The following RPTOR variants were observed in gnomAD, a reference collection of about 807,000 sequenced individuals.
The protein encoded by RPTOR is regulatory associated protein of MTOR complex 1, also known as regulatory-associated protein of mTOR.
Under a neutral mutation model 169.9 loss-of-function variants are expected in RPTOR, and 21 were observed. The ratio of observed to expected loss-of-function variants is 0.12; its 90% CI spans 0.09 to 0.18. The LOEUF (loss-of-function observed/expected upper bound fraction) is 0.18. RPTOR is among the 10% of genes least tolerant of loss of function. The pLI is 1.00. For missense variants in RPTOR, 1,133 were observed against 1,855.9 expected (o/e 0.61, Z 7.16); for synonymous variants, 732 against 753.2 (o/e 0.97, Z 0.46).
chr17:80,587,845 T>C (rs2065074488), intron 1 of RPTOR, among the ~76,000 whole-genome samples: 1 of 152,130 alleles, frequency 6.6e-6, no homozygotes, highest in Admixed American at 6.5e-5. Context: ...TTATTAACTA[T>C]AGTCAGCATG....
In RPTOR at chr17:80,700,632, CGATGATGGTGGTGGT is replaced by C. The variant is rs1195351319; in HGVS notation, c.349-7204_349-7190del. On this transcript the variant is annotated intron_variant, in intron 3 of 33. Coordinates refer to ENST00000306801, the MANE Select transcript of RPTOR (RefSeq NM_020761.3). ...ATGGTGATGGTGGTGGTGGTGGCGG[CGATGATGGTGGTGGT>C]GATGGTAGAGATGATGGTGATGGTG... Among the ~76,000 whole-genome samples the C allele has an allele frequency of 2.0e-3, 14 of 7,008 alleles. No homozygotes were observed. In the Admixed American group the frequency reaches 0.021, roughly 10 times the overall value. The allele number at this position is 7,008 out of a possible 152,430, so 4.6% of individuals were successfully genotyped here. A position where few individuals can be genotyped will look rare whatever the true frequency, so the allele number is the denominator to read the frequency against.
chr17:80,877,756 C>T (rs144220163), intron 13 of RPTOR, among the ~76,000 whole-genome samples: 272 of 152,296 alleles, frequency 1.8e-3, no homozygotes, highest in African/African-American at 6.3e-3. Context: ...TCAGCTAAAG[C>T]CAGTTGTTGC....
intron 1 of RPTOR, among the ~76,000 whole-genome samples, chr17:80,598,554 C>T (rs894696916): frequency 1.3e-5 from 2 of 152,210 alleles, no homozygotes; most frequent in African/African-American, 2.4e-5. Flanking sequence ...TCCTCAGGAA[C>T]GTTCGCATTT....
In RPTOR at chr17:80,831,797, CCG is replaced by C. The variant is rs1392496814; in HGVS notation, c.1137-6124_1137-6123del. ...TGTCACTGTGTATCCCTGTGTGTCA[CCG>C]TGTATCCCTGTGTGTCACCATGTAT... On this transcript the variant is annotated intron_variant, in intron 9 of 33. Transcript: ENST00000306801. 2.6e-5 allele frequency among the ~76,000 whole-genome samples: 4 copies of C among 151,848 alleles called. No homozygotes were observed. The East Asian group carries it at 5.8e-4, about 22-fold the overall frequency.
chr17:80,649,472 G>T (rs1486868225), intron 3 of RPTOR, among the ~76,000 whole-genome samples: 2 of 152,016 alleles, frequency 1.3e-5, no homozygotes, highest in Non-Finnish European at 1.5e-5. Context: ...GGGTCCTAAG[G>T]TTGGGCTTCA....
At chr17:80,812,254 G>A (rs148080236) in intron 7 of RPTOR, among the ~76,000 whole-genome samples, 115 of 152,062 alleles carry the variant, frequency 7.6e-4, no homozygotes, top group Non-Finnish European at 1.3e-3. Context: ...TGTGCCTGGC[G>A]GCTCCATTAT....
chr17:80,889,844 G>A (rs546445794), intron 17 of RPTOR, among the ~76,000 whole-genome samples: 8 of 120,430 alleles, frequency 6.6e-5, no homozygotes, highest in East Asian at 2.5e-4. Flanking sequence ...TGCGGCCTCC[G>A]AGGGAGGCCC....
chr17:80,751,692 G>C (rs1270401146), intron 5 of RPTOR, among the ~76,000 whole-genome samples: 2 of 152,206 alleles, frequency 1.3e-5, no homozygotes, highest in African/African-American at 4.8e-5. Flanking sequence ...ATGGAGGCCT[G>C]CCACAGTCTG....
chr17:80,729,401 G>A (rs1275014906), intron 4 of RPTOR, among the ~76,000 whole-genome samples: 1 of 152,216 alleles, frequency 6.6e-6, no homozygotes, highest in African/African-American at 2.4e-5. Context: ...GTTCTGTGGA[G>A]AAGAATTCCT....
At chr17:80,780,784 G>T (rs992567490) in intron 6 of RPTOR, among the ~76,000 whole-genome samples, 1 of 152,090 alleles carries the variant, frequency 6.6e-6, no homozygotes, top group African/African-American at 2.4e-5. Context: ...CCCCCGGGGG[G>T]CCTCACTCAC....
chr17:80,666,775 G>C (rs1004678832), intron 3 of RPTOR, among the ~76,000 whole-genome samples: 4 of 152,196 alleles, frequency 2.6e-5, no homozygotes, highest in Non-Finnish European at 5.9e-5. Flanking sequence ...CGAGCAGTCC[G>C]AGAACCCACC....
intron 1 of RPTOR, among the ~76,000 whole-genome samples, chr17:80,588,607 T>C (rs2065081345): frequency 6.6e-6 from 1 of 152,238 alleles, no homozygotes; most frequent in African/African-American, 2.4e-5. Flanking sequence ...GCAGAATTGC[T>C]GGATTCTATA....
Position 80,552,375 on chromosome 17 carries a change from G to A in RPTOR, c.162+6584G>A, listed in dbSNP as rs571071825. Among the ~76,000 whole-genome samples the A allele has an allele frequency of 2.4e-3, 358 of 152,170 alleles. 1 individual carries two copies. The highest frequency in any genetic ancestry group is 8.4e-3 in the African/African-American group (348 of 41,500). On this transcript the variant is annotated intron_variant, in intron 1 of 33. Coordinates refer to ENST00000306801, the MANE Select transcript of RPTOR (RefSeq NM_020761.3). ...TTTGCACACCTGGCCCCTTCTCGTC[G>A]TTCATACTTAGCATCTAGGTCCCTT...
At chr17:80,565,924 C>A (rs77007407) in intron 1 of RPTOR, among the ~76,000 whole-genome samples, 2,918 of 152,336 alleles carry the variant, frequency 0.019, 99 homozygotes, top group African/African-American at 0.067. Flanking sequence ...CCGGTTTCTA[C>A]ACTGCTCTTG....
At chr17:80,759,483 G>A (rs919644753) in intron 6 of RPTOR, among the ~76,000 whole-genome samples, 1 of 152,106 alleles carries the variant, frequency 6.6e-6, no homozygotes, top group Non-Finnish European at 1.5e-5. Context: ...ACCACTGCCT[G>A]GAACAATTGA....
At chr17:80,862,662 C>T (rs976852867) in intron 13 of RPTOR, among the ~76,000 whole-genome samples, 9 of 151,986 alleles carry the variant, frequency 5.9e-5, no homozygotes, top group South Asian at 2.1e-4. Context: ...TCCGGGGCTC[C>T]GCCCACCATG....
At chr17:80,912,016 G>T (rs1397849832) in intron 21 of RPTOR, among the ~76,000 whole-genome samples, 6 of 152,216 alleles carry the variant, frequency 3.9e-5, no homozygotes, top group Non-Finnish European at 8.8e-5. Context: ...ACATCTGCCT[G>T]CTACGGATTA....
intron 5 of RPTOR, among the ~76,000 whole-genome samples, chr17:80,732,922 G>A (rs2066404400): frequency 1.3e-5 from 2 of 152,226 alleles, no homozygotes; most frequent in South Asian, 4.1e-4. Flanking sequence ...TATAACATGT[G>A]AGCTGAAAGA....
chr17:80,745,178 A>T (rs888270228), intron 5 of RPTOR, among the ~76,000 whole-genome samples: 1 of 152,282 alleles, frequency 6.6e-6, no homozygotes, highest in Non-Finnish European at 1.5e-5. Flanking sequence ...GAGAGAAATT[A>T]GTGTAATTTC....
Sources: gnomAD v4.1 joint callset for allele counts (sites outside exome capture counted in the v4.1 genomes callset) on GRCh38, gnomAD v4.1.1 for gene constraint, MANE v1.5 for transcripts, NCBI Gene and HGNC (gene_info 2026-07-23, HGNC 2026-07-21) for gene names.